GABRB1: variants seen among roughly 807,000 people sequenced by gnomAD.
GABRB1 encodes the protein gamma-aminobutyric acid receptor subunit beta-1.
GABRB1 carries 17 observed loss-of-function variants against 51.6 expected under a neutral mutation model. The ratio of observed to expected loss-of-function variants is 0.33; its 90% CI spans 0.23 to 0.49. The LOEUF is 0.49. GABRB1 is among the 20% of genes least tolerant of loss of function. The pLI is 0.99. For synonymous variants in GABRB1, 247 were observed against 218.9 expected, an observed-to-expected ratio of 1.13 and a Z score of -1.14; for missense variants, 410 against 600.6, an observed-to-expected ratio of 0.68 and a Z score of 3.32.
intron 4 of GABRB1, among the ~76,000 whole-genome samples, chr4:47,249,748 C>T (rs1206203785): frequency 6.6e-6 from 1 of 152,204 alleles, no homozygotes; most frequent in Non-Finnish European, 1.5e-5. Context: ...AATAGCTACC[C>T]CTGCTTGCTT....
At chr4:47,350,202 TATATATATATATATATAGAGAG>T (rs1439782986) in intron 5 of GABRB1, among the ~76,000 whole-genome samples, 1 of 92,520 alleles carries the variant, frequency 1.1e-5, no homozygotes, top group African/African-American at 4.4e-5. Context: ...TATATATATA[TATATATATATATATATAGAGAG>T]AGAGAGAGAG....
At chr4:47,333,740 G>T (rs963260142) in intron 5 of GABRB1, among the ~76,000 whole-genome samples, 1 of 151,780 alleles carries the variant, frequency 6.6e-6, no homozygotes, top group Non-Finnish European at 1.5e-5. Context: ...AAAAAGAATA[G>T]CTTGTCAAAC....
At chr4:47,135,788 G>A (rs909733572) in intron 3 of GABRB1, among the ~76,000 whole-genome samples, 1 of 151,602 alleles carries the variant, frequency 6.6e-6, no homozygotes, top group African/African-American at 2.4e-5. Context: ...AGCTTTAGTG[G>A]CTCTTTCCTG....
At chr4:47,420,912 A>C (rs575922522) in intron 8 of GABRB1, among the ~76,000 whole-genome samples, 16 of 150,442 alleles carry the variant, frequency 1.1e-4, no homozygotes, top group Non-Finnish European at 1.5e-4. Flanking sequence ...ACACTGTAGA[A>C]GAAATGCATG....
intron 8 of GABRB1, among the ~76,000 whole-genome samples, chr4:47,415,677 T>A (rs1353317279): frequency 6.6e-6 from 1 of 152,188 alleles, no homozygotes; most frequent in Non-Finnish European, 1.5e-5. Flanking sequence ...GAAGGTAGAA[T>A]GGAATCAGAC....
intron 3 of GABRB1, among the ~76,000 whole-genome samples, chr4:47,064,361 G>C (rs1389872360): frequency 1.3e-5 from 2 of 152,148 alleles, no homozygotes; most frequent in African/African-American, 4.8e-5. Context: ...CAGGCCAGGT[G>C]CGGTGGCTCA....
chr4:47,080,280 C>A (rs1172815684), intron 3 of GABRB1, among the ~76,000 whole-genome samples: 1 of 143,958 alleles, frequency 6.9e-6, no homozygotes, highest in Non-Finnish European at 1.5e-5. Flanking sequence ...CTTTCTGTGG[C>A]AGATCCCAAA....
At chr4:47,078,810 C>T (rs1347910725) in intron 3 of GABRB1, among the ~76,000 whole-genome samples, 1 of 152,146 alleles carries the variant, frequency 6.6e-6, no homozygotes, top group Non-Finnish European at 1.5e-5. Flanking sequence ...TCTACTCCCT[C>T]GATTTTTTTT....
chr4:47,363,019 C>CGTGTGTGT (rs72429068), intron 5 of GABRB1, among the ~76,000 whole-genome samples: 115 of 119,014 alleles, frequency 9.7e-4, no homozygotes, highest in East Asian at 4.4e-3. Flanking sequence ...AGTGTCTAAG[C>CGTGTGTGT]GTGTGTGTGT....
At chr4:47,176,170 A>T (rs1202952548) in intron 4 of GABRB1, among the ~76,000 whole-genome samples, 1 of 152,130 alleles carries the variant, frequency 6.6e-6, no homozygotes, top group African/African-American at 2.4e-5. Context: ...TATACCCATT[A>T]CTTAGTTCAG....
chr4:47,254,369 T>A (rs1485226021), intron 4 of GABRB1, among the ~76,000 whole-genome samples: 2 of 118,744 alleles, frequency 1.7e-5, no homozygotes, highest in Admixed American at 1.7e-4. Context: ...TTGTTTTTTT[T>A]TTTTTTTTTT....
intron 4 of GABRB1, among the ~76,000 whole-genome samples, chr4:47,224,568 C>T (rs2109827941): frequency 6.6e-6 from 1 of 152,216 alleles, no homozygotes; most frequent in Middle Eastern, 3.4e-3. Flanking sequence ...AGAACTTATA[C>T]ATCAAAGGTA....
At chr4:47,253,223 A>AT (rs1343302432) in intron 4 of GABRB1, among the ~76,000 whole-genome samples, 6 of 152,200 alleles carry the variant, frequency 3.9e-5, no homozygotes, top group African/African-American at 4.8e-5. Flanking sequence ...AGATAATGTG[A>AT]TTTTTTACCG....
chr4:47,006,354 G>A (rs956862763), intron 1 of GABRB1, among the ~76,000 whole-genome samples: 15 of 151,986 alleles, frequency 9.9e-5, no homozygotes, highest in Non-Finnish European at 1.9e-4. Context: ...ATATAATACA[G>A]AGTGCATATT....
chr4:47,045,607 T>C (rs933296619), intron 3 of GABRB1, among the ~76,000 whole-genome samples: 1 of 151,980 alleles, frequency 6.6e-6, no homozygotes, highest in South Asian at 2.1e-4. Flanking sequence ...AGATTCTGTG[T>C]CTGTTGAGGG....
chr4:47,002,725 C>T (rs1451484411), intron 1 of GABRB1, among the ~76,000 whole-genome samples: 1 of 152,174 alleles, frequency 6.6e-6, no homozygotes, highest in Non-Finnish European at 1.5e-5. Flanking sequence ...ACTTTCCAAA[C>T]AAATCTGTGA....
intron 3 of GABRB1, among the ~76,000 whole-genome samples, chr4:47,097,262 G>C (rs1202794452): frequency 6.6e-6 from 1 of 152,032 alleles, no homozygotes; most frequent in African/African-American, 2.4e-5. Context: ...CTCTGCTCCA[G>C]CCACAGGGAC....
At chr4:47,098,326 G>T (rs1452070913) in intron 3 of GABRB1, among the ~76,000 whole-genome samples, 1 of 152,032 alleles carries the variant, frequency 6.6e-6, no homozygotes, top group East Asian at 1.9e-4. Flanking sequence ...ACTCTGGGGG[G>T]TTATTGATTC....
intron 3 of GABRB1, among the ~76,000 whole-genome samples, chr4:47,158,047 G>C (rs1302380236): frequency 2.0e-5 from 3 of 151,952 alleles, no homozygotes; most frequent in African/African-American, 4.8e-5. Context: ...GTATAACAAA[G>C]GTTTCACCAC....
Sources: allele counts gnomAD v4.1 joint callset (sites outside exome capture counted in the v4.1 genomes callset), GRCh38; gene constraint gnomAD v4.1.1; transcripts MANE v1.5; gene names NCBI Gene and HGNC (gene_info 2026-07-23, HGNC 2026-07-21).